Variants in PPP2R2C observed in about 807,000 individuals in gnomAD.
PPP2R2C encodes the protein protein phosphatase 2, regulatory subunit B, gamma.
A neutral mutation model predicts 45.3 loss-of-function variants in PPP2R2C; 10 were observed. That is an observed-to-expected ratio of 0.22 (90% CI 0.14 to 0.37). The LOEUF is 0.37. PPP2R2C is among the 10% of genes least tolerant of loss of function. The pLI is 1.00. For synonymous variants in PPP2R2C, 257 were observed against 245.4 expected (o/e 1.05, Z -0.44); for missense variants, 308 against 619.7 (o/e 0.50, Z 5.34).
chr4:6,489,914 T>C (rs1722645079), intron 2 of PPP2R2C, among the ~76,000 whole-genome samples: 1 of 152,178 alleles, frequency 6.6e-6, no homozygotes, highest in African/African-American at 2.4e-5. Context: ...ATACACTGGA[T>C]TCAAGAAAAA....
chr4:6,555,262 G>A (rs924751458), intron 1 of PPP2R2C, among the ~76,000 whole-genome samples: 1 of 152,212 alleles, frequency 6.6e-6, no homozygotes, highest in African/African-American at 2.4e-5. Context: ...CTACTGGAGA[G>A]ATGGGAACAT....
chr4:6,428,637 G>C (rs1719459464), intron 1 of PPP2R2C, among the ~76,000 whole-genome samples: 1 of 152,204 alleles, frequency 6.6e-6, no homozygotes, highest in Non-Finnish European at 1.5e-5. Flanking sequence ...GACTCGTTTG[G>C]GGCAAACTCA....
intron 1 of PPP2R2C, among the ~76,000 whole-genome samples, chr4:6,559,054 T>G (rs1725497321): frequency 6.6e-6 from 1 of 152,222 alleles, no homozygotes; most frequent in African/African-American, 2.4e-5. Flanking sequence ...AGGGGAACAC[T>G]GCGCTGAGAC....
chr4:6,517,690 A>C (rs1182819771), intron 2 of PPP2R2C, among the ~76,000 whole-genome samples: 3 of 152,042 alleles, frequency 2.0e-5, no homozygotes, highest in African/African-American at 7.3e-5. Context: ...CCCCTGATGC[A>C]CCTCTTCCTT....
intron 5 of PPP2R2C, among the ~76,000 whole-genome samples, chr4:6,356,670 A>G (rs915501860): frequency 7.2e-5 from 11 of 152,276 alleles, no homozygotes; most frequent in African/African-American, 2.7e-4. Flanking sequence ...GACCAGGCTC[A>G]GAGTGGGCGC....
intron 4 of PPP2R2C, among the ~76,000 whole-genome samples, chr4:6,374,852 T>C (rs1715168164): frequency 6.6e-6 from 1 of 151,980 alleles, no homozygotes; most frequent in Non-Finnish European, 1.5e-5. Flanking sequence ...GCAGGGTGGG[T>C]AGAATGCTGT....
intron 2 of PPP2R2C, among the ~76,000 whole-genome samples, chr4:6,512,970 A>C (rs1244885377): frequency 6.6e-6 from 1 of 152,132 alleles, no homozygotes; most frequent in Non-Finnish European, 1.5e-5. Context: ...TCCACATATC[A>C]GGATAAAAAA....
At chr4:6,344,590 C>T (rs1345548141) in intron 6 of PPP2R2C, among the ~76,000 whole-genome samples, 1 of 152,174 alleles carries the variant, frequency 6.6e-6, no homozygotes, top group Non-Finnish European at 1.5e-5. Flanking sequence ...CTAAATTCCA[C>T]CCTTCCTGCA....
chr4:6,412,449 T>C (rs746537391), intron 1 of PPP2R2C, among the ~76,000 whole-genome samples: 1 of 152,162 alleles, frequency 6.6e-6, no homozygotes, highest in Non-Finnish European at 1.5e-5. Flanking sequence ...CACCCCTCTA[T>C]TTCTATCTCC....
chr4:6,422,764 C>A (rs1049574982), intron 1 of PPP2R2C, among the ~76,000 whole-genome samples: 2 of 152,162 alleles, frequency 1.3e-5, no homozygotes, highest in East Asian at 3.8e-4. Context: ...CTGTGAAAAC[C>A]CTGTCTCAAA....
chr4:6,477,372 G>A (rs534524609), upstream of PPP2R2C, among the ~76,000 whole-genome samples: 2 of 152,284 alleles, frequency 1.3e-5, no homozygotes, highest in African/African-American at 4.8e-5. Context: ...CTTCTTAAAT[G>A]AGGTATTGTC....
At chr4:6,535,282 A>G (rs1240824163) in exon 2 of PPP2R2C, 2 of 1,535,328 alleles carry the variant, frequency 1.3e-6, no homozygotes, top group Non-Finnish European at 1.7e-6. Flanking sequence ...GGAAACTTCC[A>G]TCAGCTGAGG....
intron 2 of PPP2R2C, among the ~76,000 whole-genome samples, chr4:6,493,668 T>A (rs968487186): frequency 6.6e-6 from 1 of 151,802 alleles, no homozygotes; most frequent in African/African-American, 2.4e-5. Flanking sequence ...TAGCCAGCTC[T>A]CCACACCCGC....
rs752037080 is a variant in PPP2R2C at position 6,510,980 on chromosome 4, C to CAAAAAA, written c.49+24285_49+24290dup. ...CAACAGAGTGAGACTCCGTCTCAAA[C>CAAAAAA]AAAAAAAAACAAACAAACAAAAAAA... On this transcript the variant is annotated intron_variant, in intron 2 of 9. Transcript: ENST00000506140. Among the ~76,000 whole-genome samples, 314 of 41,280 alleles carry CAAAAAA rather than the reference C, an allele frequency of 7.6e-3. 19 individuals are homozygous for CAAAAAA. Among genetic ancestry groups the CAAAAAA allele is most frequent in the East Asian group, 0.061 (66 of 1,076 alleles). 27.1% of individuals were successfully genotyped at this position (41,280 alleles called of 152,430 possible).
intron 1 of PPP2R2C, among the ~76,000 whole-genome samples, chr4:6,421,668 G>A (rs141987759): frequency 2.1e-3 from 314 of 151,998 alleles, no homozygotes; most frequent in African/African-American, 6.1e-3. Context: ...GAATGACGAG[G>A]AGAGGGCACG....
chr4:6,514,164 C>T (rs77971527), intron 2 of PPP2R2C, among the ~76,000 whole-genome samples: 5,485 of 151,950 alleles, frequency 0.036, 191 homozygotes, highest in East Asian at 0.16. Flanking sequence ...CTATTCTTTT[C>T]CTATGTATCT....
intron 4 of PPP2R2C, among the ~76,000 whole-genome samples, chr4:6,373,684 G>A (rs558032683): frequency 1.6e-4 from 24 of 152,360 alleles, no homozygotes; most frequent in Non-Finnish European, 2.1e-4. Context: ...CAGCTGAGAT[G>A]GGAGGTGACA....
chr4:6,372,488 G>A (rs777039514), intron 5 of PPP2R2C, 35 bp downstream of exon 5: 77 of 1,551,530 alleles, frequency 5.0e-5, no homozygotes, highest in East Asian at 3.4e-4. Context: ...TACTCTGCCC[G>A]TGGGAGGCAC....
intron 1 of PPP2R2C, chr4:6,382,105 T>G (rs1715841420): frequency 1.5e-6 from 2 of 1,322,966 alleles, no homozygotes; most frequent in Non-Finnish European, 9.7e-7. Context: ...TACTTTTAAT[T>G]TGAAGTCATT....
Sources: gnomAD v4.1 joint callset for allele counts (sites outside exome capture counted in the v4.1 genomes callset) on GRCh38, gnomAD v4.1.1 for gene constraint, MANE v1.5 for transcripts, NCBI Gene and HGNC (gene_info 2026-07-23, HGNC 2026-07-21) for gene names.